NTM: variants seen among roughly 807,000 people sequenced by gnomAD.
NTM encodes the protein neurotrimin.
NTM carries 13 observed loss-of-function variants against 42.1 expected under a neutral mutation model. That is an observed-to-expected ratio of 0.31 (90% CI 0.20 to 0.49). NTM has a LOEUF of 0.49. Ranked by LOEUF, NTM falls within the 20% of genes least tolerant of loss-of-function variation. NTM has a pLI of 0.99. For missense variants in NTM, 373 were observed against 452.8 expected, an observed-to-expected ratio of 0.82 and a Z score of 1.60; for synonymous variants, 187 against 179.2, an observed-to-expected ratio of 1.04 and a Z score of -0.35.
intron 1 of NTM, among the ~76,000 whole-genome samples, chr11:131,415,213 T>C (rs1260989302): frequency 5.3e-5 from 8 of 152,178 alleles, no homozygotes; most frequent in Non-Finnish European, 1.0e-4. Flanking sequence ...AAAAAATTAG[T>C]GGCACCTTTC....
chr11:131,728,416 G>A (rs776637079), intron 1 of NTM, among the ~76,000 whole-genome samples: 1 of 152,172 alleles, frequency 6.6e-6, no homozygotes, highest in Non-Finnish European at 1.5e-5. Context: ...TATTGCAAAG[G>A]ATACAGGTGA....
intron 1 of NTM, among the ~76,000 whole-genome samples, chr11:131,850,289 C>T (rs146812602): frequency 6.6e-6 from 1 of 152,272 alleles, no homozygotes; most frequent in African/African-American, 2.4e-5. Context: ...GTTAAATTTG[C>T]ATACTTGAAG....
At chr11:131,654,323 A>G (rs1341735861) in intron 1 of NTM, among the ~76,000 whole-genome samples, 1 of 152,192 alleles carries the variant, frequency 6.6e-6, no homozygotes, top group Non-Finnish European at 1.5e-5. Flanking sequence ...CCCACCGCCA[A>G]AGGCAGGGCC....
chr11:131,475,377 T>C (rs1190063807), intron 1 of NTM, among the ~76,000 whole-genome samples: 1 of 152,090 alleles, frequency 6.6e-6, no homozygotes, highest in Non-Finnish European at 1.5e-5. Flanking sequence ...CTGAGAAGAG[T>C]TTAATCCCCT....
chr11:132,006,623 A>G (rs992071810), intron 2 of NTM, among the ~76,000 whole-genome samples: 1 of 152,244 alleles, frequency 6.6e-6, no homozygotes, highest in Non-Finnish European at 1.5e-5. Context: ...CTAGGCACCT[A>G]TTCTAAATTC....
intron 1 of NTM, among the ~76,000 whole-genome samples, chr11:131,725,164 T>C (rs2078811838): frequency 6.6e-6 from 1 of 152,208 alleles, no homozygotes; most frequent in African/African-American, 2.4e-5. Flanking sequence ...GATGCAGTAC[T>C]TCACCAACAA....
At chr11:131,789,582 A>G (rs1437696535) in intron 1 of NTM, among the ~76,000 whole-genome samples, 1 of 65,212 alleles carries the variant, frequency 1.5e-5, no homozygotes, top group African/African-American at 8.4e-5. Context: ...AAGAAGAAGA[A>G]GAAGAAGAAG....
chr11:131,788,439 T>C (rs1022410036), intron 1 of NTM, among the ~76,000 whole-genome samples: 1 of 152,154 alleles, frequency 6.6e-6, no homozygotes, highest in Non-Finnish European at 1.5e-5. Flanking sequence ...TTTTGTATTT[T>C]TATTTGTAAT....
chr11:132,100,049 A>T (rs968546423), intron 2 of NTM, among the ~76,000 whole-genome samples: 1 of 152,354 alleles, frequency 6.6e-6, no homozygotes, highest in South Asian at 2.1e-4. Context: ...CAAAATAGGC[A>T]TTCTCACAGA....
At chr11:131,694,957 A>C (rs941501977) in intron 1 of NTM, among the ~76,000 whole-genome samples, 2 of 152,156 alleles carry the variant, frequency 1.3e-5, no homozygotes, top group Non-Finnish European at 2.9e-5. Flanking sequence ...GAGGAGCCCC[A>C]GCAGAGGGGC....
intron 1 of NTM, among the ~76,000 whole-genome samples, chr11:131,889,650 G>A (rs879304700): frequency 2.0e-5 from 3 of 152,136 alleles, no homozygotes; most frequent in Non-Finnish European, 2.9e-5. Context: ...GCCTAGTAAG[G>A]AGTAGGGACT....
chr11:132,179,097 C>T (rs571608546), intron 3 of NTM, among the ~76,000 whole-genome samples: 1 of 152,154 alleles, frequency 6.6e-6, no homozygotes, highest in Admixed American at 6.6e-5. Flanking sequence ...AATTGCTCTT[C>T]TCAAAGAGTT....
intron 3 of NTM, among the ~76,000 whole-genome samples, chr11:132,170,938 T>C (rs1383634897): frequency 6.6e-6 from 1 of 152,210 alleles, no homozygotes; most frequent in Non-Finnish European, 1.5e-5. Context: ...TCTTCCCTTC[T>C]TCTGCTAACT....
In NTM at chr11:131,985,825, C is replaced by G. The variant is rs116254282; in HGVS notation, c.167+74177C>G. On this transcript the variant is annotated intron_variant, in intron 2 of 8. Coordinates refer to ENST00000683400, the MANE Select transcript of NTM (RefSeq NM_001352005.2). ...AGTTTTGGTGAGCAGCAACCAATCT[C>G]TCTTACAATATCCACCACATATAAC... 3.0e-3 allele frequency among the ~76,000 whole-genome samples: 453 copies of G among 152,264 alleles called. 4 individuals are homozygous for G. Among genetic ancestry groups the G allele is most frequent in the African/African-American group, 0.01 (432 of 41,544 alleles).
chr11:131,727,582 G>C (rs2079115612), intron 1 of NTM, among the ~76,000 whole-genome samples: 1 of 152,134 alleles, frequency 6.6e-6, no homozygotes, highest in African/African-American at 2.4e-5. Context: ...ACCCATTTAA[G>C]GTTTTTGTTC....
chr11:132,180,463 C>T (rs182950948), intron 3 of NTM, among the ~76,000 whole-genome samples: 5 of 152,216 alleles, frequency 3.3e-5, no homozygotes, highest in African/African-American at 9.6e-5. Context: ...AAGAAAAGGA[C>T]AAATGATAGA....
rs532066432 is a variant in NTM at position 131,571,355 on chromosome 11, G to A, written c.82+200467G>A. Among the ~76,000 whole-genome samples the A allele has an allele frequency of 1.2e-4, 19 of 152,220 alleles. No individual in the cohort carries two copies. In the South Asian group the frequency reaches 2.5e-3, roughly 20 times the overall value. ...CTTGACGATTTACATATATTAACAC[G>A]AATCCCCAAAATCCTGTAGAGTAGG... is the stretch of plus-strand genomic sequence containing the variant. On this transcript the variant is annotated intron_variant, in intron 1 of 8. Coordinates refer to ENST00000683400, the MANE Select transcript of NTM (RefSeq NM_001352005.2).
At chr11:131,821,346 C>G (rs2093179312) in intron 1 of NTM, among the ~76,000 whole-genome samples, 1 of 152,176 alleles carries the variant, frequency 6.6e-6, no homozygotes, top group African/African-American at 2.4e-5. Context: ...GTGGTCCAGG[C>G]AGGGCAATTC....
Position 131,632,673 on chromosome 11 carries a change from C to CT in NTM, c.82+261804dup, listed in dbSNP as rs529612626. 7.5e-4 allele frequency among the ~76,000 whole-genome samples: 62 copies of CT among 83,090 alleles called. 2 individuals carry two copies. The highest frequency in any genetic ancestry group is 4.0e-3 in the East Asian group (10 of 2,498). The allele number at this position is 83,090 out of a possible 152,430, so 54.5% of individuals were successfully genotyped here. A position where few individuals can be genotyped will look rare whatever the true frequency, so the allele number is the denominator to read the frequency against. On this transcript the variant is annotated intron_variant, in intron 1 of 8. Transcript: ENST00000683400. Reference sequence around the variant, plus strand: ...TTTCATCTTGGTCATGCTCGGGCAGCTTTTTTTTTTTTTTTTTTTGAGACG... The same window carrying CT: ...TTTCATCTTGGTCATGCTCGGGCAGCTTTTTTTTTTTTTTTTTTTTGAGACG...
Sources: gnomAD v4.1 joint callset for allele counts (sites outside exome capture counted in the v4.1 genomes callset) on GRCh38, gnomAD v4.1.1 for gene constraint, MANE v1.5 for transcripts, NCBI Gene and HGNC (gene_info 2026-07-23, HGNC 2026-07-21) for gene names.